Variants in MAP3K1 observed in about 807,000 individuals in gnomAD.
The protein encoded by MAP3K1 is mitogen-activated protein kinase kinase kinase 1, also known as MAP/ERK kinase kinase 1.
In MAP3K1, 36 loss-of-function variants were observed where a neutral mutation model predicts 144.2. The observed-to-expected ratio is 0.25, with a 90% CI of 0.19 to 0.33. MAP3K1 has a LOEUF of 0.33. Ranked by LOEUF, MAP3K1 falls within the 10% of genes least tolerant of loss-of-function variation. MAP3K1 has a pLI of 1.00. For synonymous variants in MAP3K1, 718 were observed against 688.7 expected (o/e 1.04, Z -0.67); for missense variants, 1,650 against 1,881.9 (o/e 0.88, Z 2.28).
intron 3 of MAP3K1, among the ~76,000 whole-genome samples, chr5:56,861,625 C>T (rs1031772617): frequency 1.0e-4 from 15 of 149,866 alleles, no homozygotes; most frequent in South Asian, 4.2e-4. Flanking sequence ...TTTACATCTA[C>T]GTATCTGCAT....
chr5:56,896,137 A>G lies in MAP3K1; in HGVS notation c.*2457A>G. 9.0e-6 allele frequency: 2 copies of G among 222,420 alleles called. No homozygotes were observed. Among genetic ancestry groups the G allele is most frequent in the Non-Finnish European group, 1.8e-5 (2 of 111,396 alleles). The allele number at this position is 222,420 out of a possible 1,614,324, so 13.8% of individuals were successfully genotyped here. On this transcript the variant is annotated 3_prime_UTR_variant, in exon 20 of 20. Transcript: ENST00000399503. ...GGTGTTTTTGTCTTTATAGTAAATA[A>G]AAGTTTTTGAACAAATGTTGTTACT...
chr5:56,873,667 A>G (rs1747928642), intron 9 of MAP3K1, among the ~76,000 whole-genome samples: 1 of 152,220 alleles, frequency 6.6e-6, no homozygotes, highest in Non-Finnish European at 1.5e-5. Flanking sequence ...GTAGACAATA[A>G]TAAAGTAAAA....
At chr5:56,851,198 G>A (rs190457475) in intron 1 of MAP3K1, among the ~76,000 whole-genome samples, 16 of 152,190 alleles carry the variant, frequency 1.1e-4, no homozygotes, top group South Asian at 2.1e-4. Context: ...TGCCTGCCTC[G>A]GCCTCTCAAA....
At chr5:56,824,717 T>G (rs1166524608) in intron 1 of MAP3K1, among the ~76,000 whole-genome samples, 1 of 152,202 alleles carries the variant, frequency 6.6e-6, no homozygotes, top group African/African-American at 2.4e-5. Context: ...CTCTAACTGT[T>G]CTGTAAGATG....
intron 1 of MAP3K1, among the ~76,000 whole-genome samples, chr5:56,831,715 C>A (rs1027414478): frequency 1.3e-5 from 2 of 152,128 alleles, no homozygotes; most frequent in African/African-American, 4.8e-5. Flanking sequence ...AAATGAATTC[C>A]ATGAGAATTC....
chr5:56,891,066 T>C (rs1299802418), intron 19 of MAP3K1, among the ~76,000 whole-genome samples: 1 of 151,896 alleles, frequency 6.6e-6, no homozygotes, highest in African/African-American at 2.4e-5. Context: ...AAGTTTTCTC[T>C]TTTGTAGACA....
rs561691616 is a variant in MAP3K1, at chr5:56,869,587, A to G, written c.1302-2323A>G. ...ATATATATACATAAATGATCTGAAC[A>G]ATGCTTACAAAATATGTACTTGGAA... On this transcript the variant is annotated intron_variant, in intron 6 of 19. Transcript: ENST00000399503. Among the ~76,000 whole-genome samples, 60 of 152,236 alleles carry G rather than the reference A, an allele frequency of 3.9e-4. 1 individual carries two copies. Among genetic ancestry groups the G allele is most frequent in the Non-Finnish European group, 8.1e-4 (55 of 68,032 alleles).
chr5:56,869,551 T>C (rs2111904976), intron 6 of MAP3K1, among the ~76,000 whole-genome samples: 1 of 152,328 alleles, frequency 6.6e-6, no homozygotes, highest in East Asian at 1.9e-4. Context: ...TTTTAAAATA[T>C]GAAATAGTGC....
intron 6 of MAP3K1, among the ~76,000 whole-genome samples, chr5:56,867,116 A>T (rs563740192): frequency 6.6e-6 from 1 of 152,178 alleles, no homozygotes; most frequent in Non-Finnish European, 1.5e-5. Context: ...ACAAGTGTGA[A>T]CCACCACACC....
At chr5:56,856,511 A>T in intron 1 of MAP3K1, 89 bp from the exon 2 acceptor site, 1 of 1,146,570 alleles carries the variant, frequency 8.7e-7, no homozygotes, top group Non-Finnish European at 1.3e-6. Flanking sequence ...CGTTGGAAGT[A>T]TAAAATAGAA....
At chr5:56,828,225 T>C (rs1003604368) in intron 1 of MAP3K1, among the ~76,000 whole-genome samples, 1 of 152,124 alleles carries the variant, frequency 6.6e-6, no homozygotes, top group African/African-American at 2.4e-5. Flanking sequence ...ACTAGAAAAA[T>C]AGAAAATGGC....
intron 1 of MAP3K1, among the ~76,000 whole-genome samples, chr5:56,854,826 A>C (rs947413449): frequency 6.6e-6 from 1 of 152,208 alleles, no homozygotes; most frequent in African/African-American, 2.4e-5. Context: ...TTGGTCTAGG[A>C]GTGCAGGAGT....
chr5:56,889,773 G>A (rs571175198), intron 19 of MAP3K1, among the ~76,000 whole-genome samples: 3 of 151,918 alleles, frequency 2.0e-5, no homozygotes, highest in African/African-American at 7.3e-5. Context: ...CATGTACTTC[G>A]TGGGATTACT....
At chr5:56,844,601 A>C (rs192386719) in intron 1 of MAP3K1, among the ~76,000 whole-genome samples, 1 of 152,086 alleles carries the variant, frequency 6.6e-6, no homozygotes, top group African/African-American at 2.4e-5. Context: ...GGATCTTTTC[A>C]GGACTCTCCT....
At chr5:56,848,881 T>TTA (rs1405263240) in intron 1 of MAP3K1, among the ~76,000 whole-genome samples, 2 of 152,240 alleles carry the variant, frequency 1.3e-5, no homozygotes, top group African/African-American at 4.8e-5. Flanking sequence ...ATTGTCTTTG[T>TTA]TACTTGACTT....
At chr5:56,840,915 A>AC (rs1336153466) in intron 1 of MAP3K1, among the ~76,000 whole-genome samples, 3 of 147,074 alleles carry the variant, frequency 2.0e-5, no homozygotes, top group African/African-American at 7.5e-5. Flanking sequence ...TCTGTCTGTC[A>AC]CCCAGGCTGG....
rs1485835402 is a variant in MAP3K1 at position 56,815,840 on chromosome 5, T to C, written c.267T>C (p.Thr89=). Residue 89 remains threonine, a synonymous_variant, in exon 1 of 20, where the codon ACT becomes ACC. Coordinates refer to ENST00000399503, the MANE Select transcript of MAP3K1 (RefSeq NM_005921.2). ...FLAASPPASS[T]SPSPEPADAA... Reference sequence around the variant, plus strand: ...CCGCCTCACCGCCGGCCTCCTCGACTTCCCCGTCGCCGGAGCCCGCGGACG... The same window carrying C: ...CCGCCTCACCGCCGGCCTCCTCGACCTCCCCGTCGCCGGAGCCCGCGGACG... 2 of 1,406,524 alleles carry C rather than the reference T, an allele frequency of 1.4e-6. No homozygotes were observed. Among genetic ancestry groups the C allele is most frequent in the Non-Finnish European group, 1.9e-6 (2 of 1,075,902 alleles). The allele number at this position is 1,406,524 out of a possible 1,614,324, so 87.1% of individuals were successfully genotyped here. A position where few individuals can be genotyped will look rare whatever the true frequency, so the allele number is the denominator to read the frequency against.
chr5:56,864,162 A>G (rs1747603595), intron 3 of MAP3K1, among the ~76,000 whole-genome samples: 1 of 152,192 alleles, frequency 6.6e-6, no homozygotes, highest in South Asian at 2.1e-4. Flanking sequence ...CTCAAATGTT[A>G]ATAGAATAAT....
At chr5:56,840,314 A>G (rs796510536) in intron 1 of MAP3K1, among the ~76,000 whole-genome samples, 10 of 152,092 alleles carry the variant, frequency 6.6e-5, no homozygotes, top group African/African-American at 2.4e-4. Flanking sequence ...CACCTGGCTA[A>G]TTTTTGTATT....
Sources: gnomAD v4.1 joint callset for allele counts (sites outside exome capture counted in the v4.1 genomes callset) on GRCh38, gnomAD v4.1.1 for gene constraint, MANE v1.5 for transcripts, NCBI Gene and HGNC (gene_info 2026-07-23, HGNC 2026-07-21) for gene names.